The following LRP1 variants were observed in gnomAD, a reference collection of about 807,000 sequenced individuals.
The protein encoded by LRP1 is LDL receptor related protein 1.
In LRP1, 51 loss-of-function variants were observed where a neutral mutation model predicts 541.5. The ratio of observed to expected loss-of-function variants is 0.09; its 90% CI spans 0.08 to 0.12. The LOEUF is 0.12. LRP1 is among the 10% of genes least tolerant of loss of function. The pLI, the probability that LRP1 is intolerant of heterozygous loss-of-function variation, is 1.00. For synonymous variants in LRP1, 2,219 were observed against 2,470.8 expected, an observed-to-expected ratio of 0.90 and a Z score of 3.02; for missense variants, 3,878 against 6,376.2, an observed-to-expected ratio of 0.61 and a Z score of 13.34.
chr12:57,162,988 G>T lies in LRP1; in HGVS notation c.2530+5G>T. On this transcript the variant is annotated splice_donor_5th_base_variant and intron_variant, in intron 15 of 88. Coordinates refer to ENST00000243077, the MANE Select transcript of LRP1 (RefSeq NM_002332.3). This position sits in a 1 kb window ranked among gnomAD's most constrained non-coding sequence, Gnocchi z 5.2. The stretch of plus-strand genomic sequence containing the variant: ...CAGACGGCGTCACTTGCTTGGGTAT[G>T]AGGTGCCTGGCTGGGTGGGAGTGGG... 1 of 1,597,472 alleles carries T rather than the reference G, an allele frequency of 6.3e-7. No homozygotes were observed.
At position 57,162,016 on chromosome 12, in the gene LRP1, T is replaced by C. The variant is rs756997327; in HGVS notation, c.2203-301T>C. Among the ~76,000 whole-genome samples the C allele has an allele frequency of 1.8e-4, 27 of 150,078 alleles. No individual in the cohort carries two copies. The highest frequency in any genetic ancestry group is 2.1e-4 in the South Asian group (1 of 4,804). On this transcript the variant is annotated intron_variant, in intron 13 of 88. Coordinates refer to ENST00000243077, the MANE Select transcript of LRP1 (RefSeq NM_002332.3). This position sits in a 1 kb window ranked among gnomAD's most constrained non-coding sequence, Gnocchi z 5.2. ...GCATATGAGTGTGTGTGTGTGTGTG[T>C]GCACGTATGTGTGCGTGTGTGTGTT...
At chr12:57,194,284 G>T in intron 48 of LRP1, 70 bp from the exon 49 acceptor site, 1 of 1,481,828 alleles carries the variant, frequency 6.7e-7, no homozygotes, top group Non-Finnish European at 9.0e-7. Flanking sequence ...GCTCCATAGG[G>T]CTGGCAGCTG....
In LRP1 at chr12:57,191,430, G is replaced by T; in HGVS notation, c.7347G>T (p.Val2449=). The T allele has an allele frequency of 6.2e-7, 1 of 1,613,186 alleles. No individual in the cohort carries two copies. Among genetic ancestry groups the T allele is most frequent in the Non-Finnish European group, 8.5e-7 (1 of 1,179,406 alleles). The part of the protein sequence containing the change: ...RRAVQRANKH[V]GSNMKLLRVD... ...CAGTGCAGCGGGCCAACAAGCACGT[G>T]GGCAGCAACATGAAGCTGCTGCGCG... The change falls in exon 44 of 89, where the codon GTG becomes GTT. Residue 2449 remains valine, a synonymous_variant. Coordinates refer to ENST00000243077, the MANE Select transcript of LRP1 (RefSeq NM_002332.3).
At chr12:57,170,317 G>T (rs1050760565) in intron 20 of LRP1, among the ~76,000 whole-genome samples, 5 of 152,190 alleles carry the variant, frequency 3.3e-5, no homozygotes, top group Non-Finnish European at 7.3e-5. Context: ...TATGGGATAG[G>T]ACTAATATCT....
Position 57,158,618 on chromosome 12 carries a change from G to C in LRP1, c.1778G>C (p.Arg593Pro). ...CGCCAGAAGATTGATGGCACTGAGC[G>C]GGAGACCATCCTGAAGGACGGTATG... ...IGRQKIDGTE[R>P]ETILKDGIHN... is the part of the protein sequence containing the mutation. The change falls in exon 11 of 89, where the codon CGG becomes CCG. Residue 593 changes from arginine (R) to proline (P), a missense_variant. By Grantham distance (103) the Arg-to-Pro change is moderately radical. Around this residue, in one of 13 missense-constraint regions of LRP1, gnomAD observed 496 missense variants for 861.0 expected, o/e 0.58. Coordinates refer to ENST00000243077, the MANE Select transcript of LRP1 (RefSeq NM_002332.3). This position sits in a 1 kb window ranked among gnomAD's most constrained non-coding sequence, Gnocchi z 5.3. 6.2e-7 allele frequency: 1 copy of C among 1,614,120 alleles called. No homozygotes were observed. Among genetic ancestry groups the C allele is most frequent in the Non-Finnish European group, 8.5e-7 (1 of 1,180,002 alleles).
At chr12:57,182,546 G>A (rs35859651) in intron 34 of LRP1, among the ~76,000 whole-genome samples, 3,451 of 150,914 alleles carry the variant, frequency 0.023, 145 homozygotes, top group African/African-American at 0.08. Context: ...AGCCAGGTGC[G>A]TGGCTCATGC....
chr12:57,192,951 G>C lies in LRP1; in HGVS notation c.7536G>C (p.Gln2512His), dbSNP rs2036446422. The change falls in exon 45 of 89, where the codon CAG becomes CAC. Residue 2512 changes from glutamine to histidine, a missense_variant. Physicochemically the swap from Gln to His is conservative, Grantham distance 24 (BLOSUM62 0). This residue lies in a region of LRP1 where 1,100 missense variants were observed against 1,827.4 expected (regional missense o/e 0.60). Coordinates refer to ENST00000243077, the MANE Select transcript of LRP1 (RefSeq NM_002332.3). ...NCSCRGGRIL[Q>H]DDLTCRAVNS... ...CATGCCGAGGGGGCCGAATCCTCCA[G>C]GATGACCTCACCTGCCGAGGTGAGA... 1 of 1,613,646 alleles carries C rather than the reference G, an allele frequency of 6.2e-7. No homozygotes were observed. Among genetic ancestry groups the C allele is most frequent in the Admixed American group, 1.7e-5 (1 of 60,010 alleles).
At chr12:57,208,251 G>C in intron 77 of LRP1, 35 bp downstream of exon 77, 1 of 1,597,542 alleles carries the variant, frequency 6.3e-7, no homozygotes, top group Non-Finnish European at 8.5e-7. Context: ...CCTCTGGGCT[G>C]GTGGTAGGAA....
rs375302127 is a variant in LRP1, at chr12:57,205,405, G to A, written c.11390G>A (p.Arg3797His). The A allele has an allele frequency of 3.0e-5, 49 of 1,608,528 alleles. No homozygotes were observed. The highest frequency in any genetic ancestry group is 4.2e-5 in the Non-Finnish European group (49 of 1,179,528). The change falls in exon 74 of 89, where the codon CGC becomes CAC. Residue 3797 changes from arginine (R) to histidine (H), a missense_variant. Coordinates refer to ENST00000243077, the MANE Select transcript of LRP1 (RefSeq NM_002332.3). This position sits in a 1 kb window ranked among gnomAD's most constrained non-coding sequence, Gnocchi z 4.6. ...GCCAGCATCTGTGGGGACGAGGCAC[G>A]CTGCGTGCGCACCGAGAAAGCGGCC... ...TNASICGDEA[R>H]CVRTEKAAYC...
At chr12:57,146,171 A>G (rs966003085) in intron 6 of LRP1, among the ~76,000 whole-genome samples, 1 of 152,078 alleles carries the variant, frequency 6.6e-6, no homozygotes, top group East Asian at 1.9e-4. Flanking sequence ...GTGTAGACCC[A>G]CTGCCGGGAA....
In LRP1 at chr12:57,154,761, G is replaced by A. The variant is rs751205391; in HGVS notation, c.1227+60G>A. 22 of 1,459,820 alleles carry A rather than the reference G, an allele frequency of 1.5e-5. No homozygotes were observed. The highest frequency in any genetic ancestry group is 1.1e-4 in the African/African-American group (8 of 71,270). 90.4% of individuals were successfully genotyped at this position (1,459,820 alleles called of 1,614,324 possible). On this transcript the variant is annotated intron_variant, in intron 8 of 88. Transcript: ENST00000243077. The surrounding 1 kb of genome is among the most constrained non-coding windows in gnomAD (Gnocchi z 4.6). Reference sequence around the variant, plus strand: ...ACCATGATCCAGGGCCTTCTGGTGAGGGGGGAAGCCTCTGTAGGGGAACCG... The same window carrying A: ...ACCATGATCCAGGGCCTTCTGGTGAAGGGGGAAGCCTCTGTAGGGGAACCG...
chr12:57,169,687 C>T (rs574280053), intron 20 of LRP1, among the ~76,000 whole-genome samples: 13 of 152,284 alleles, frequency 8.5e-5, no homozygotes, highest in African/African-American at 4.8e-5. Flanking sequence ...AGTGAGATCA[C>T]GCACGAAAAG....
Position 57,212,139 on chromosome 12 carries a change from C to T in LRP1, c.13372C>T (p.Arg4458Trp), listed in dbSNP as rs753180993. Residue 4458 changes from arginine (R) to tryptophan (W), a missense_variant, in exon 88 of 89, where the codon CGG (arginine) becomes TGG (tryptophan). Physicochemically the swap from Arg to Trp is moderately radical, Grantham distance 101. Around this residue, in one of 13 missense-constraint regions of LRP1, gnomAD observed 871 missense variants for 1,212.4 expected, o/e 0.72. Coordinates refer to ENST00000243077, the MANE Select transcript of LRP1 (RefSeq NM_002332.3). This position sits in a 1 kb window ranked among gnomAD's most constrained non-coding sequence, Gnocchi z 5.0. ...VQGAKGFQHQ[R>W]MTNGAMNVEI... The stretch of plus-strand genomic sequence containing the variant: ...CAGGGCTAAGGGCTTCCAGCACCAA[C>T]GGATGACCAACGGGGCCATGAACGT... The T allele has an allele frequency of 7.4e-6, 12 of 1,613,868 alleles. No individual in the cohort carries two copies. Among genetic ancestry groups the T allele is most frequent in the South Asian group, 3.3e-5 (3 of 91,078 alleles).
intron 68 of LRP1, 80 bp downstream of exon 68, chr12:57,202,617 C>T (rs1239455182): frequency 4.2e-6 from 5 of 1,183,548 alleles, no homozygotes; most frequent in East Asian, 5.1e-5. Flanking sequence ...CCACAGGCCG[C>T]GCCAGAGCTG....
chr12:57,156,214 T>C lies in LRP1; in HGVS notation c.1348T>C (p.Tyr450His). The C allele has an allele frequency of 6.2e-7, 1 of 1,614,032 alleles. No homozygotes were observed. The highest frequency in any genetic ancestry group is 8.5e-7 in the Non-Finnish European group (1 of 1,180,008). The change falls in exon 9 of 89, where the codon TAC (tyrosine) becomes CAC (histidine). Residue 450 changes from tyrosine (Y) to histidine (H), a missense_variant. By Grantham distance (83) the Tyr-to-His change is moderately conservative. Transcript: ENST00000243077. This position sits in a 1 kb window ranked among gnomAD's most constrained non-coding sequence, Gnocchi z 5.2. ...IRVNRFNSTE[Y>H]QVVTRVDKGG... ...TGTGAACCGCTTTAACAGCACCGAG[T>C]ACCAGGTTGTCACCCGGGTGGACAA...
Position 57,175,860 on chromosome 12 carries a change from C to A in LRP1, c.3794-49C>A, listed in dbSNP as rs751387323. ...CCTGCCTGCGCCAGGACGGGTGGCA[C>A]ACAGGCAGCTAGCCCCTTGCTGACC... On this transcript the variant is annotated intron_variant, in intron 23 of 88. Coordinates refer to ENST00000243077, the MANE Select transcript of LRP1 (RefSeq NM_002332.3). 14 of 1,601,612 alleles carry A rather than the reference C, an allele frequency of 8.7e-6. No individual in the cohort carries two copies. The East Asian group carries it at 3.1e-4, about 36-fold the overall frequency.
At chr12:57,145,145 A>G in intron 5 of LRP1, 45 bp downstream of exon 5, 1 of 1,613,538 alleles carries the variant, frequency 6.2e-7, no homozygotes, top group African/African-American at 1.3e-5. Context: ...AAGCCCCCTC[A>G]ATGCTGTTCC....
In LRP1 at chr12:57,150,189, C is replaced by CTTTTTTTTTTTTTTTTTTTTTTTTTTTT. The variant is rs769778868; in HGVS notation, c.842-3999_842-3998insTTTTTTTTTTTTTTTTTTTTTTTTTTTT. 5.4e-5 allele frequency: 5 copies of CTTTTTTTTTTTTTTTTTTTTTTTTTTTT among 92,844 alleles called. 1 individual carries two copies. The highest frequency in any genetic ancestry group is 2.6e-4 in the African/African-American group (5 of 19,498). The allele number at this position is 92,844 out of a possible 1,614,324, so 5.8% of individuals were successfully genotyped here. On this transcript the variant is annotated intron_variant, in intron 6 of 88. Transcript: ENST00000243077. ...GAGCCTGTAACAGGAAAACTTCCTTCTTTTTTTTTTTTTTTTTTTTGAGAT... is the reference window on the plus strand; with the variant it reads ...GAGCCTGTAACAGGAAAACTTCCTTCTTTTTTTTTTTTTTTTTTTTTTTTTTTTTTTTTTTTTTTTTTTTTTTTGAGAT...
At chr12:57,130,627 T>C (rs1394778840) in intron 1 of LRP1, among the ~76,000 whole-genome samples, 6 of 151,582 alleles carry the variant, frequency 4.0e-5, no homozygotes, top group Non-Finnish European at 8.8e-5. Context: ...GAAAAAAAAT[T>C]TGAGAGAGAG....
Sources: gnomAD v4.1 joint callset for allele counts (sites outside exome capture counted in the v4.1 genomes callset) on GRCh38, gnomAD v4.1.1 for gene constraint, gnomAD v4.1.1 regional missense constraint, Gnocchi (gnomAD v3.1) non-coding constraint, MANE v1.5 for transcripts, NCBI Gene and HGNC (gene_info 2026-07-23, HGNC 2026-07-21) for gene names.